Variants in BCAS3 observed in about 807,000 individuals in gnomAD.
BCAS3 encodes BCAS3 microtubule associated cell migration factor.
BCAS3 carries 53 observed loss-of-function variants against 116.1 expected under a neutral mutation model. The observed-to-expected ratio is 0.46, with a 90% CI of 0.37 to 0.57. The LOEUF is 0.57. Ranked by LOEUF, BCAS3 falls within the 20% of genes least tolerant of loss-of-function variation. The pLI, the probability that BCAS3 is intolerant of heterozygous loss-of-function variation, is 0.00. For synonymous variants in BCAS3, 391 were observed against 408.2 expected (o/e 0.96, Z 0.51); for missense variants, 917 against 1,165.4 (o/e 0.79, Z 3.10).
intron 20 of BCAS3, among the ~76,000 whole-genome samples, chr17:61,076,370 G>C (rs931265023): frequency 2.6e-4 from 40 of 152,208 alleles, no homozygotes; most frequent in Admixed American, 2.2e-3. Flanking sequence ...AAAGTAAACT[G>C]GAAAATCAAG....
At chr17:60,918,795 G>A (rs1023544843) in intron 12 of BCAS3, among the ~76,000 whole-genome samples, 1 of 150,828 alleles carries the variant, frequency 6.6e-6, no homozygotes. Flanking sequence ...CGGGTTTACG[G>A]TATTCTCCTG....
chr17:60,727,534 G>T, intron 5 of BCAS3: 1 of 1,304,114 alleles, frequency 7.7e-7, no homozygotes, highest in Non-Finnish European at 1.0e-6. Context: ...AATGGCATCT[G>T]AGACTCTCGC....
At chr17:60,943,346 A>G (rs895230166) in intron 13 of BCAS3, among the ~76,000 whole-genome samples, 2 of 152,152 alleles carry the variant, frequency 1.3e-5, no homozygotes, top group African/African-American at 4.8e-5. Flanking sequence ...CCCAACTGTT[A>G]TCTAAAAGAA....
Position 61,226,448 on chromosome 17 carries a change from ATTT to A in BCAS3, c.2426-141877_2426-141875del, listed in dbSNP as rs2082376486. Among the ~76,000 whole-genome samples the A allele has an allele frequency of 1.3e-5, 2 of 152,174 alleles. No individual in the cohort carries two copies. Among genetic ancestry groups the A allele is most frequent in the Admixed American group, 1.3e-4 (2 of 15,266 alleles). ...TTGTATGGAGATCTTTGTTAAGTGG[ATTT>A]TATGCTTGCTTCTTAAAATATATTG... On this transcript the variant is annotated intron_variant, in intron 22 of 23. Transcript: ENST00000407086. This position sits in a 1 kb window ranked among gnomAD's most constrained non-coding sequence, Gnocchi z 6.0.
rs1318658736 is a variant in BCAS3, at chr17:61,222,113, G to T, written c.2425+137549G>T. ...CAAAGTGCATAATTTTAGGGAATTT[G>T]TTAACAGTCATGCCGACATAGATAC... is the stretch of plus-strand genomic sequence containing the variant. On this transcript the variant is annotated intron_variant, in intron 22 of 23. Transcript: ENST00000407086. The surrounding 1 kb of genome is among the most constrained non-coding windows in gnomAD (Gnocchi z 6.1). 6.6e-6 allele frequency among the ~76,000 whole-genome samples: 1 copy of T among 152,148 alleles called. No individual in the cohort carries two copies. The highest frequency in any genetic ancestry group is 6.5e-5 in the Admixed American group (1 of 15,284).
intron 3 of BCAS3, chr17:60,688,878 G>T (rs2034446026): frequency 6.6e-6 from 1 of 151,516 alleles, no homozygotes; most frequent in South Asian, 2.1e-4. Flanking sequence ...TTTGAATACT[G>T]TTGAATACTG....
At chr17:61,054,048 G>C (rs890434044) in intron 19 of BCAS3, among the ~76,000 whole-genome samples, 5 of 152,196 alleles carry the variant, frequency 3.3e-5, no homozygotes, top group Non-Finnish European at 5.9e-5. Flanking sequence ...CTGAATGAAA[G>C]TACCATCAGC....
intron 7 of BCAS3, among the ~76,000 whole-genome samples, chr17:60,853,242 GA>G (rs997764415): frequency 6.6e-6 from 1 of 152,110 alleles, no homozygotes; most frequent in Non-Finnish European, 1.5e-5. Context: ...ACATTAAGTT[GA>G]AATTTTTTTT....
rs2054084816 is a variant in BCAS3 at position 61,309,033 on chromosome 17, G to A, written c.2426-59294G>A. Among the ~76,000 whole-genome samples the A allele has an allele frequency of 6.6e-6, 1 of 152,090 alleles. No individual in the cohort carries two copies. The highest frequency in any genetic ancestry group is 2.4e-5 in the African/African-American group (1 of 41,406). ...CAGCAGAGGCTTTGAGGACCTATCT[G>A]TCCCCTCCTCTGAGTGTCTTCAGCA... On this transcript the variant is annotated intron_variant, in intron 22 of 23. Coordinates refer to ENST00000407086, the MANE Select transcript of BCAS3 (RefSeq NM_017679.5). This position sits in a 1 kb window ranked among gnomAD's most constrained non-coding sequence, Gnocchi z 4.6.
chr17:60,756,505 T>C (rs1168869033), intron 6 of BCAS3, among the ~76,000 whole-genome samples: 1 of 152,208 alleles, frequency 6.6e-6, no homozygotes, highest in East Asian at 1.9e-4. Flanking sequence ...AGCTTCCACA[T>C]ATGAGTGAGA....
At chr17:60,904,373 C>A (rs944651036) in intron 11 of BCAS3, among the ~76,000 whole-genome samples, 1 of 151,954 alleles carries the variant, frequency 6.6e-6, no homozygotes, top group Non-Finnish European at 1.5e-5. Flanking sequence ...CACTGTACTC[C>A]AGCCTGGGCG....
At chr17:60,765,523 C>A (rs577771931) in intron 6 of BCAS3, among the ~76,000 whole-genome samples, 1 of 152,214 alleles carries the variant, frequency 6.6e-6, no homozygotes, top group Non-Finnish European at 1.5e-5. Context: ...TTGGCCCCCA[C>A]TCTCTTCTGG....
rs944880371 is a variant in BCAS3, at chr17:61,337,821, G to A, written c.2426-30506G>A. On this transcript the variant is annotated intron_variant, in intron 22 of 23. Coordinates refer to ENST00000407086, the MANE Select transcript of BCAS3 (RefSeq NM_017679.5). This position sits in a 1 kb window ranked among gnomAD's most constrained non-coding sequence, Gnocchi z 4.8. ...GAGACAGAGAAAGCCTCCTTGTTAT[G>A]GAGAATTTGTGGTGTGCCTGTGAAT... Among the ~76,000 whole-genome samples the A allele has an allele frequency of 6.6e-6, 1 of 152,136 alleles. No homozygotes were observed. The highest frequency in any genetic ancestry group is 1.5e-5 in the Non-Finnish European group (1 of 68,032).
At chr17:61,061,993 A>G (rs970734631) in intron 19 of BCAS3, among the ~76,000 whole-genome samples, 1 of 152,186 alleles carries the variant, frequency 6.6e-6, no homozygotes, top group African/African-American at 2.4e-5. Context: ...CTGAATCTAA[A>G]AATAGGGGGA....
chr17:61,314,778 G>A (rs1028332669), intron 22 of BCAS3, among the ~76,000 whole-genome samples: 12 of 152,180 alleles, frequency 7.9e-5, no homozygotes, highest in African/African-American at 2.2e-4. Flanking sequence ...TCTCCTAAAT[G>A]AAAAATGTTA....
intron 19 of BCAS3, among the ~76,000 whole-genome samples, chr17:61,043,954 T>C (rs1484708367): frequency 6.6e-6 from 1 of 152,010 alleles, no homozygotes; most frequent in Non-Finnish European, 1.5e-5. Context: ...TGCAAACATT[T>C]ATTCCTTGAT....
chr17:61,229,944 G>A lies in BCAS3; in HGVS notation c.2426-138383G>A, dbSNP rs937683234. On this transcript the variant is annotated intron_variant, in intron 22 of 23. Transcript: ENST00000407086. The surrounding 1 kb of genome is among the most constrained non-coding windows in gnomAD (Gnocchi z 4.4). ...GTTCAAGACCAGCCTGGCCAATATA[G>A]CAAAATCTGGTCTCTACCGAAAATA... Among the ~76,000 whole-genome samples, 2 of 152,198 alleles carry A rather than the reference G, an allele frequency of 1.3e-5. No individual in the cohort carries two copies. Among genetic ancestry groups the A allele is most frequent in the Non-Finnish European group, 2.9e-5 (2 of 68,028 alleles).
At chr17:60,853,758 C>T (rs2053394502) in intron 7 of BCAS3, among the ~76,000 whole-genome samples, 1 of 152,118 alleles carries the variant, frequency 6.6e-6, no homozygotes, top group Non-Finnish European at 1.5e-5. Flanking sequence ...TTTAAACATA[C>T]TGTTTTCTTA....
rs1230087996 is a variant in BCAS3 at position 61,032,782 on chromosome 17, G to A, written c.1638-1884G>A. Among the ~76,000 whole-genome samples the A allele has an allele frequency of 6.6e-6, 1 of 152,130 alleles. No homozygotes were observed. Among genetic ancestry groups the A allele is most frequent in the East Asian group, 1.9e-4 (1 of 5,204 alleles). On this transcript the variant is annotated intron_variant, in intron 16 of 23. Coordinates refer to ENST00000407086, the MANE Select transcript of BCAS3 (RefSeq NM_017679.5). The surrounding 1 kb of genome is among the most constrained non-coding windows in gnomAD (Gnocchi z 4.6). ...TTTAAAAACGATGTCTTTATTCCCT[G>A]TCACTGGAAGTCTCACTGTGACTGG... is the stretch of plus-strand genomic sequence containing the variant.
Sources: allele counts gnomAD v4.1 joint callset (sites outside exome capture counted in the v4.1 genomes callset), GRCh38; gene constraint gnomAD v4.1.1; non-coding constraint Gnocchi (gnomAD v3.1); transcripts MANE v1.5; gene names NCBI Gene and HGNC (gene_info 2026-07-23, HGNC 2026-07-21).